Variants in ZNG1E observed in about 807,000 individuals in gnomAD.
The protein encoded by ZNG1E is zinc-regulated GTPase metalloprotein activator 1E.
the ZNG1E span, among the ~76,000 whole-genome samples, chr9:65,685,023 C>T: frequency 7.7e-6 from 1 of 129,262 alleles, no homozygotes; most frequent in African/African-American, 3.0e-5. Flanking sequence ...GCCTGGATGA[C>T]AGCATGAGAC....
At chr9:65,693,072 G>A in the ZNG1E span, among the ~76,000 whole-genome samples, 118 of 151,628 alleles carry the variant, frequency 7.8e-4, no homozygotes, top group East Asian at 4.3e-3. Context: ...CATGGCACGC[G>A]TTTACCTATG....
the ZNG1E span, among the ~76,000 whole-genome samples, chr9:65,664,525 G>A: frequency 4.4e-5 from 3 of 68,796 alleles, no homozygotes; most frequent in Middle Eastern, 5.6e-3. Context: ...ATGTGGAACT[G>A]TAAGTCCAAT....
chr9:65,686,661 A>G, the ZNG1E span, among the ~76,000 whole-genome samples: 1 of 152,214 alleles, frequency 6.6e-6, no homozygotes, highest in Non-Finnish European at 1.5e-5. Context: ...TAAATAAAAA[A>G]TAAGTCTGTT....
chr9:65,659,489 C>A, the ZNG1E span, among the ~76,000 whole-genome samples: 1 of 133,536 alleles, frequency 7.5e-6, no homozygotes. Context: ...AATGAGACTC[C>A]GTCTCAAAAA....
At chr9:65,701,293 T>TCATTA in the ZNG1E span, 1 of 150,598 alleles carries the variant, frequency 6.6e-6, no homozygotes, top group African/African-American at 2.5e-5. Context: ...AAGGTAAGGC[T>TCATTA]CATTAGGAGA....
the ZNG1E span, among the ~76,000 whole-genome samples, chr9:65,664,015 C>T: frequency 6.6e-6 from 1 of 152,334 alleles, no homozygotes; most frequent in Non-Finnish European, 1.5e-5. Flanking sequence ...AATATATGCC[C>T]ATGCACATAC....
chr9:65,661,295 A>T, the ZNG1E span, among the ~76,000 whole-genome samples: 11,494 of 103,372 alleles, frequency 0.11, no homozygotes, highest in Non-Finnish European at 0.15. Context: ...AAGGAAAACA[A>T]AACAAAATGA....
the ZNG1E span, among the ~76,000 whole-genome samples, chr9:65,664,540 C>T: frequency 1.1e-5 from 1 of 89,066 alleles, no homozygotes; most frequent in Non-Finnish European, 2.3e-5. Flanking sequence ...TCCAATAAAC[C>T]TCTTTCTTTT....
chr9:65,670,762 T>C, the ZNG1E span, among the ~76,000 whole-genome samples: 10 of 112,648 alleles, frequency 8.9e-5, no homozygotes, highest in Non-Finnish European at 7.1e-5. Context: ...TTTTTACATT[T>C]TTAATACATT....
chr9:65,724,760 GACTAAATTA>G, the ZNG1E span, among the ~76,000 whole-genome samples: 8 of 96,476 alleles, frequency 8.3e-5, no homozygotes, highest in South Asian at 8.5e-4. Flanking sequence ...CATTTTTGAA[GACTAAATTA>G]ATTTTTTTAA....
the ZNG1E span, chr9:65,706,893 G>A: frequency 1.9e-4 from 28 of 145,012 alleles, no homozygotes; most frequent in East Asian, 5.6e-3. Context: ...CACAAAATTG[G>A]CATGTGTAAA....
chr9:65,714,127 C>G, the ZNG1E span, among the ~76,000 whole-genome samples: 3 of 149,250 alleles, frequency 2.0e-5, no homozygotes, highest in African/African-American at 7.6e-5. Context: ...CGCTGATACC[C>G]TTTCTTCCAG....
the ZNG1E span, among the ~76,000 whole-genome samples, chr9:65,718,350 C>T: frequency 3.6e-4 from 46 of 128,382 alleles, no homozygotes; most frequent in South Asian, 8.3e-4. Context: ...CTGTTGGGTC[C>T]AAGAGCTTAC....
chr9:65,668,302 T>C, the ZNG1E span, among the ~76,000 whole-genome samples: 1 of 148,474 alleles, frequency 6.7e-6, no homozygotes, highest in East Asian at 2.0e-4. Context: ...GCAAAGGTAA[T>C]ATTGGACCAA....
chr9:65,683,945 A>G, the ZNG1E span, among the ~76,000 whole-genome samples: 1 of 152,300 alleles, frequency 6.6e-6, no homozygotes. Context: ...AGAAATAGCA[A>G]ATATCAGTTT....
the ZNG1E span, among the ~76,000 whole-genome samples, chr9:65,664,259 G>T: frequency 2.0e-5 from 3 of 151,724 alleles, no homozygotes; most frequent in East Asian, 1.9e-4. Flanking sequence ...TTTTTTTTGG[G>T]GGGGGTGATA....
chr9:65,686,212 A>AG, the ZNG1E span, among the ~76,000 whole-genome samples: 1 of 144,946 alleles, frequency 6.9e-6, no homozygotes, highest in Non-Finnish European at 1.5e-5. Flanking sequence ...TGAAGTCACC[A>AG]GCTGCTTTAG....
chr9:65,714,999 C>G, the ZNG1E span, among the ~76,000 whole-genome samples: 3 of 149,978 alleles, frequency 2.0e-5, no homozygotes, highest in South Asian at 2.1e-4. Context: ...CCCCCAGCCT[C>G]GCTGCCGCCT....
the ZNG1E span, among the ~76,000 whole-genome samples, chr9:65,662,487 A>G: frequency 6.6e-6 from 1 of 152,282 alleles, no homozygotes; most frequent in African/African-American, 2.4e-5. Context: ...ATTAACATTC[A>G]GGAAAGCACA....
Sources: allele counts gnomAD v4.1 joint callset (sites outside exome capture counted in the v4.1 genomes callset), GRCh38; gene constraint gnomAD v4.1.1; transcripts MANE v1.5; gene names NCBI Gene and HGNC (gene_info 2026-07-23, HGNC 2026-07-21).